PCDHA1: variants seen among roughly 807,000 people sequenced by gnomAD.
The protein encoded by PCDHA1 is protocadherin alpha 1, also known as protocadherin alpha-1.
In PCDHA1, 42 loss-of-function variants were observed where a neutral mutation model predicts 61.3. That is an observed-to-expected ratio of 0.69 (90% CI 0.54 to 0.89). The LOEUF (loss-of-function observed/expected upper bound fraction) is 0.89, where lower values mean the gene tolerates loss of function less well. Among genes scored for constraint, PCDHA1 ranks in the 40% least tolerant of loss-of-function variants. The probability of loss-of-function intolerance (pLI) is 0.00; values close to 1 mark genes in which losing one functional copy is unlikely to be tolerated. For synonymous variants in PCDHA1, 610 were observed against 553.8 expected (o/e 1.10, Z -1.43); for missense variants, 1,256 against 1,235.3 (o/e 1.02, Z -0.25).
chr5:140,840,228 G>A (rs1554137738), intron 1 of PCDHA1, among the ~76,000 whole-genome samples: 1 of 152,042 alleles, frequency 6.6e-6, no homozygotes, highest in African/African-American at 2.4e-5. Flanking sequence ...ATGAGTAAAT[G>A]TGGAGAATCA....
intron 1 of PCDHA1, among the ~76,000 whole-genome samples, chr5:140,805,836 C>G (rs1340568137): frequency 6.6e-6 from 1 of 152,126 alleles, no homozygotes; most frequent in African/African-American, 2.4e-5. Flanking sequence ...ATTTTCCCAA[C>G]TAGATATGCG....
At chr5:141,003,814 G>A (rs2098139841) in intron 3 of PCDHA1, among the ~76,000 whole-genome samples, 1 of 152,088 alleles carries the variant, frequency 6.6e-6, no homozygotes, top group Admixed American at 6.6e-5. Context: ...CTGTAGTCTG[G>A]GAAGGGCTCT....
rs2150486474 is a variant in PCDHA1, at chr5:140,850,498, C to T, written c.2394+61814C>T. On this transcript the variant is annotated intron_variant, in intron 1 of 3. Coordinates refer to ENST00000504120, the MANE Select transcript of PCDHA1 (RefSeq NM_018900.4). ...ACGGCCACGGCCACTGTGCTGGTGTCGCTGGTGGAGAGCGGCCAGGCGCCA... is the reference window on the plus strand; with the variant it reads ...ACGGCCACGGCCACTGTGCTGGTGTTGCTGGTGGAGAGCGGCCAGGCGCCA... 30 of 1,598,138 alleles carry T rather than the reference C, an allele frequency of 1.9e-5. 3 individuals are homozygous for T. Among genetic ancestry groups the T allele is most frequent in the Non-Finnish European group, 2.6e-5 (30 of 1,167,764 alleles).
At chr5:140,991,919 A>T (rs185947527) in intron 3 of PCDHA1, among the ~76,000 whole-genome samples, 96 of 152,274 alleles carry the variant, frequency 6.3e-4, no homozygotes, top group Admixed American at 1.2e-3. Flanking sequence ...GCCATGTAAC[A>T]TAACATATTC....
At chr5:140,871,789 AAAT>A (rs2053309848) in intron 1 of PCDHA1, among the ~76,000 whole-genome samples, 1 of 152,254 alleles carries the variant, frequency 6.6e-6, no homozygotes, top group Non-Finnish European at 1.5e-5. Context: ...ACTTGAGTAG[AAAT>A]AATTACTATT....
chr5:140,822,242 C>T (rs1393571238), intron 1 of PCDHA1: 2 of 1,614,038 alleles, frequency 1.2e-6, no homozygotes, highest in Non-Finnish European at 1.7e-6. Context: ...CTAGAGGGCG[C>T]GTCGGATTTG....
At position 140,787,256 on chromosome 5, in the gene PCDHA1, A is replaced by G. The variant is rs1761359460; in HGVS notation, c.966A>G (p.Ala322=). ...AATCCTACGAAATTCAAGTAAAGGC[A>G]GTTGATAAAGGAAGTCCTCCGATGT... The part of the protein sequence containing the change: ...ETKSYEIQVK[A]VDKGSPPMSN... Residue 322 remains alanine, a synonymous_variant, in exon 1 of 4, where the codon GCA becomes GCG. Transcript: ENST00000504120. The G allele has an allele frequency of 3.7e-6, 6 of 1,614,092 alleles. No individual in the cohort carries two copies. Among genetic ancestry groups the G allele is most frequent in the Non-Finnish European group, 5.1e-6 (6 of 1,180,040 alleles).
chr5:140,862,975 G>A (rs2047690621), intron 1 of PCDHA1: 2 of 544,994 alleles, frequency 3.7e-6, no homozygotes, highest in Middle Eastern at 3.0e-4. Context: ...CAGGCCACTT[G>A]GTGGCGAAGG....
At chr5:140,975,283 A>G (rs1554236730) in intron 1 of PCDHA1, among the ~76,000 whole-genome samples, 1 of 152,122 alleles carries the variant, frequency 6.6e-6, no homozygotes, top group Non-Finnish European at 1.5e-5. Context: ...TGACCTCTAG[A>G]CCCAGATTTA....
Position 140,967,363 on chromosome 5 carries a change from C to T in PCDHA1, c.2395-11586C>T, listed in dbSNP as rs539138806. On this transcript the variant is annotated intron_variant, in intron 1 of 3. Coordinates refer to ENST00000504120, the MANE Select transcript of PCDHA1 (RefSeq NM_018900.4). ...AGCACTTCGAGCTGGACCTTAAGCCCCTGCAGGAGAACAGTAAAGTGCTTG... is the reference window on the plus strand; with the variant it reads ...AGCACTTCGAGCTGGACCTTAAGCCTCTGCAGGAGAACAGTAAAGTGCTTG... The T allele has an allele frequency of 1.6e-5, 26 of 1,607,546 alleles. No homozygotes were observed. The South Asian group carries it at 2.9e-4, about 18-fold the overall frequency.
intron 1 of PCDHA1, among the ~76,000 whole-genome samples, chr5:140,879,472 G>T (rs546855959): frequency 6.6e-6 from 1 of 152,318 alleles, no homozygotes; most frequent in South Asian, 2.1e-4. Context: ...GAATACCGTT[G>T]TGATTGGAAA....
At chr5:140,856,833 G>A (rs1554149194) in intron 1 of PCDHA1, 3 of 1,591,548 alleles carry the variant, frequency 1.9e-6, no homozygotes, top group African/African-American at 2.7e-5. Flanking sequence ...TTAGTAATAC[G>A]GCTCAACGCT....
At chr5:141,005,822 C>T (rs1248291613) in intron 3 of PCDHA1, among the ~76,000 whole-genome samples, 2 of 151,298 alleles carry the variant, frequency 1.3e-5, no homozygotes, top group Non-Finnish European at 2.9e-5. Context: ...GTATGGTGGC[C>T]TGTAGTCCCA....
chr5:140,786,774 A>G lies in PCDHA1; in HGVS notation c.484A>G (p.Ile162Val), dbSNP rs1761331289. The G allele has an allele frequency of 6.2e-7, 1 of 1,614,094 alleles. No individual in the cohort carries two copies. The highest frequency in any genetic ancestry group is 1.3e-5 in the African/African-American group (1 of 74,934). Residue 162 changes from isoleucine to valine, a missense_variant, in exon 1 of 4, where the codon ATT becomes GTT. Ile to Val is a conservative substitution (Grantham distance 29). Coordinates refer to ENST00000504120, the MANE Select transcript of PCDHA1 (RefSeq NM_018900.4). ...FPIEGAADAD[I>V]GANALLTYTL... ...GATAGAAGGAGCTGCTGATGCAGAC[A>G]TTGGTGCTAACGCTCTTCTAACGTA...
chr5:140,964,964 C>A (rs1035701368), intron 1 of PCDHA1, among the ~76,000 whole-genome samples: 1 of 152,094 alleles, frequency 6.6e-6, no homozygotes, highest in Non-Finnish European at 1.5e-5. Flanking sequence ...GTTGGTGGAA[C>A]GAAGGGATGT....
At position 140,903,003 on chromosome 5, in the gene PCDHA1, A is replaced by C. The variant is rs115622636; in HGVS notation, c.2395-75946A>C. On this transcript the variant is annotated intron_variant, in intron 1 of 3. Transcript: ENST00000504120. ...TGGTTCCATATTTTTGCAATTGTGAATTGTGCTGCTATCAACATGGCTTGC... is the reference window on the plus strand; with the variant it reads ...TGGTTCCATATTTTTGCAATTGTGACTTGTGCTGCTATCAACATGGCTTGC... Among the ~76,000 whole-genome samples the C allele has an allele frequency of 4.6e-3, 703 of 152,302 alleles. 3 individuals are homozygous for C. The highest frequency in any genetic ancestry group is 0.016 in the African/African-American group (680 of 41,574).
chr5:140,975,890 T>C (rs542825387), intron 1 of PCDHA1, among the ~76,000 whole-genome samples: 1 of 152,310 alleles, frequency 6.6e-6, no homozygotes, highest in South Asian at 2.1e-4. Flanking sequence ...TTTCCACATA[T>C]GGAGTTTTGT....
intron 1 of PCDHA1, chr5:140,829,962 T>A (rs2150178663): frequency 1.2e-6 from 2 of 1,613,904 alleles, no homozygotes. Context: ...CCGTTTCGCG[T>A]GGGGCTGTAC....
At chr5:140,809,486 A>G in intron 1 of PCDHA1, 1 of 1,614,232 alleles carries the variant, frequency 6.2e-7, no homozygotes, top group Non-Finnish European at 8.5e-7. Flanking sequence ...CCCACCCAAG[A>G]CCGACCTCAT....
Sources: gnomAD v4.1 joint callset for allele counts (sites outside exome capture counted in the v4.1 genomes callset) on GRCh38, gnomAD v4.1.1 for gene constraint, MANE v1.5 for transcripts, NCBI Gene and HGNC (gene_info 2026-07-23, HGNC 2026-07-21) for gene names.